Variants in COL13A1 observed in about 807,000 individuals in gnomAD.
COL13A1 encodes the protein collagen type XIII alpha 1 chain.
Under a neutral mutation model 130.9 loss-of-function variants are expected in COL13A1, and 89 were observed. That is an observed-to-expected ratio of 0.68 (90% confidence interval 0.57 to 0.81). The LOEUF (loss-of-function observed/expected upper bound fraction) is 0.81. Among genes scored for constraint, COL13A1 ranks in the 30% least tolerant of loss-of-function variants. The pLI is 0.00. For synonymous variants in COL13A1, 402 were observed against 341.6 expected (o/e 1.18, Z -1.95); for missense variants, 879 against 934.6 (o/e 0.94, Z 0.78).
At chr10:69,948,132 T>C (rs1277602067) in intron 38 of COL13A1, among the ~76,000 whole-genome samples, 1 of 152,184 alleles carries the variant, frequency 6.6e-6, no homozygotes, top group Non-Finnish European at 1.5e-5. Flanking sequence ...TAGCGGGTCC[T>C]AAAATCCAAG....
intron 1 of COL13A1, among the ~76,000 whole-genome samples, chr10:69,808,464 G>T (rs776418591): frequency 6.6e-6 from 1 of 151,998 alleles, no homozygotes; most frequent in East Asian, 1.9e-4. Flanking sequence ...TATCCCAAAC[G>T]GTAGCAGATA....
intron 10 of COL13A1, among the ~76,000 whole-genome samples, chr10:69,891,603 A>G (rs2061177288): frequency 1.3e-5 from 2 of 152,158 alleles, no homozygotes; most frequent in South Asian, 4.1e-4. Context: ...TGCTGTGCAC[A>G]TGCATGGAGT....
chr10:69,928,755 TTA>T (rs1451183222), intron 27 of COL13A1, among the ~76,000 whole-genome samples, 180 bp from the exon 28 acceptor site: 1 of 152,230 alleles, frequency 6.6e-6, no homozygotes, highest in Non-Finnish European at 1.5e-5. Flanking sequence ...CACTTGGTGC[TTA>T]TATGTTTTGC....
chr10:69,853,362 C>T (rs1398044950), intron 2 of COL13A1, among the ~76,000 whole-genome samples: 2 of 152,060 alleles, frequency 1.3e-5, no homozygotes, highest in African/African-American at 4.8e-5. Context: ...TCCAATGAGG[C>T]CTCTTATCTG....
chr10:69,895,509 C>G (rs767412287), intron 12 of COL13A1, 41 bp from the exon 13 acceptor site: 4 of 1,612,638 alleles, frequency 2.5e-6, no homozygotes, highest in Non-Finnish European at 3.4e-6. Flanking sequence ...GTACCCCCAA[C>G]AAGTGCCTAA....
intron 29 of COL13A1, 132 bp downstream of exon 29, chr10:69,930,219 G>A (rs552078147): frequency 0.01 from 9,909 of 959,676 alleles, 141 homozygotes; most frequent in Middle Eastern, 0.024. Context: ...ATGGGGGGGG[G>A]CAGGGAGAGG....
intron 31 of COL13A1, 27 bp from the exon 32 acceptor site, chr10:69,935,323 G>A (rs367759316): frequency 1.9e-6 from 3 of 1,568,948 alleles, no homozygotes; most frequent in Middle Eastern, 1.7e-4. Context: ...CACTTCAAAT[G>A]TAACAGGGCT....
At chr10:69,874,575 C>T (rs897190374) in intron 4 of COL13A1, among the ~76,000 whole-genome samples, 1 of 152,172 alleles carries the variant, frequency 6.6e-6, no homozygotes, top group Non-Finnish European at 1.5e-5. Flanking sequence ...TCCTTCCTGT[C>T]AGTACTGGAG....
rs369362187 is a variant in COL13A1, at chr10:69,937,118, C to T, written c.1797+336C>T. Among the ~76,000 whole-genome samples, 448 of 152,352 alleles carry T rather than the reference C, an allele frequency of 2.9e-3. 4 individuals carry two copies. The Middle Eastern group carries it at 0.051, about 17-fold the overall frequency. ...GAGACAGCAACATAGGGTGGGACCC[C>T]TCCCTGGGTCAAGCTTGGGGGGACT... is the stretch of plus-strand genomic sequence containing the variant. On this transcript the variant is annotated intron_variant, in intron 33 of 40. Transcript: ENST00000645393.
intron 17 of COL13A1, among the ~76,000 whole-genome samples, chr10:69,912,250 A>G (rs1348141547): frequency 1.3e-5 from 2 of 152,198 alleles, no homozygotes; most frequent in East Asian, 1.9e-4. Context: ...AATTGAGATT[A>G]TAAGCCAGCT....
intron 1 of COL13A1, among the ~76,000 whole-genome samples, 199 bp from the exon 2 acceptor site, chr10:69,822,170 C>T (rs961075289): frequency 1.3e-5 from 2 of 152,132 alleles, no homozygotes; most frequent in African/African-American, 4.8e-5. Context: ...CTGTGATTAC[C>T]GGGATGGGCT....
At chr10:69,928,093 A>G (rs192332238) in intron 27 of COL13A1, among the ~76,000 whole-genome samples, 272 of 152,322 alleles carry the variant, frequency 1.8e-3, no homozygotes, top group Non-Finnish European at 3.4e-3. Context: ...CGGAGGTTGC[A>G]GTGAGTCGAG....
rs1032731876 is a variant in COL13A1 at position 69,928,988 on chromosome 10, C to G, written c.1474C>G (p.Pro492Ala). The change falls in exon 28 of 41, where the codon CCA becomes GCA. Residue 492 changes from proline (P) to alanine (A), a missense_variant. Coordinates refer to ENST00000645393, the MANE Select transcript of COL13A1 (RefSeq NM_001368882.1). The stretch of plus-strand genomic sequence containing the variant: ...TGGCCCACCTGGAGCTCCAGGGATT[C>G]CAGGCCAGAAGGTAAATCTTATCTT... The part of the protein sequence containing the change: ...QIGPPGAPGI[P>A]GQKGEIGLPG... 2 of 1,613,112 alleles carry G rather than the reference C, an allele frequency of 1.2e-6. No homozygotes were observed. The highest frequency in any genetic ancestry group is 1.7e-6 in the Non-Finnish European group (2 of 1,179,522).
intron 1 of COL13A1, among the ~76,000 whole-genome samples, chr10:69,820,747 A>G (rs1845856186): frequency 6.6e-6 from 1 of 151,654 alleles, no homozygotes; most frequent in Non-Finnish European, 1.5e-5. Flanking sequence ...TTCTGCCCTC[A>G]GAGCCCCCCA....
At chr10:69,812,769 C>T (rs1369441998) in intron 1 of COL13A1, among the ~76,000 whole-genome samples, 1 of 152,186 alleles carries the variant, frequency 6.6e-6, no homozygotes, top group Non-Finnish European at 1.5e-5. Context: ...ACTTTTGCAC[C>T]AACCTACTCC....
intron 37 of COL13A1, among the ~76,000 whole-genome samples, chr10:69,945,938 G>T (rs1016583254): frequency 6.6e-6 from 1 of 152,054 alleles, no homozygotes; most frequent in African/African-American, 2.4e-5. Context: ...ACGTGTGGTG[G>T]TGCGCACCTG....
chr10:69,806,702 G>A (rs796561316), intron 1 of COL13A1, among the ~76,000 whole-genome samples: 40 of 152,270 alleles, frequency 2.6e-4, no homozygotes, highest in African/African-American at 9.1e-4. Flanking sequence ...GAAGGGAGTG[G>A]AATTTAAAAG....
chr10:69,908,027 CAGG>C (rs2062971242), intron 17 of COL13A1, among the ~76,000 whole-genome samples: 1 of 152,182 alleles, frequency 6.6e-6, no homozygotes, highest in Non-Finnish European at 1.5e-5. Context: ...AGTGGCAGAG[CAGG>C]AGTTCAGTTC....
chr10:69,903,785 G>C (rs1301646363), intron 15 of COL13A1, among the ~76,000 whole-genome samples: 1 of 152,232 alleles, frequency 6.6e-6, no homozygotes, highest in Non-Finnish European at 1.5e-5. Flanking sequence ...ATCTCTGATA[G>C]TTTTGCTGGA....
Sources: allele counts gnomAD v4.1 joint callset (sites outside exome capture counted in the v4.1 genomes callset), GRCh38; gene constraint gnomAD v4.1.1; transcripts MANE v1.5; gene names NCBI Gene and HGNC (gene_info 2026-07-23, HGNC 2026-07-21).